The following FNDC3B variants were observed in gnomAD, a reference collection of about 807,000 sequenced individuals.
The protein encoded by FNDC3B is fibronectin type III domain-containing protein 3B.
FNDC3B carries 12 observed loss-of-function variants against 151.5 expected under a neutral mutation model. The ratio of observed to expected loss-of-function variants is 0.08; its 90% CI spans 0.05 to 0.13. FNDC3B has a LOEUF of 0.13. Ranked by LOEUF, FNDC3B falls within the 10% of genes least tolerant of loss-of-function variation. The pLI, the probability that FNDC3B is intolerant of heterozygous loss-of-function variation, is 1.00. For synonymous variants in FNDC3B, 528 were observed against 549.0 expected (o/e 0.96, Z 0.54); for missense variants, 1,214 against 1,505.3 (o/e 0.81, Z 3.20).
chr3:172,199,812 A>G (rs1206048324), intron 3 of FNDC3B, among the ~76,000 whole-genome samples: 1 of 152,234 alleles, frequency 6.6e-6, no homozygotes, highest in African/African-American at 2.4e-5. Flanking sequence ...AGTGAGTGAC[A>G]GCAGTCATGG....
At chr3:172,289,988 G>A (rs1730239582) in intron 7 of FNDC3B, among the ~76,000 whole-genome samples, 1 of 152,182 alleles carries the variant, frequency 6.6e-6, no homozygotes, top group South Asian at 2.1e-4. Context: ...ATAGTTTGTA[G>A]CGTATCACTA....
At chr3:172,230,087 A>G (rs1726808058) in intron 4 of FNDC3B, among the ~76,000 whole-genome samples, 1 of 152,220 alleles carries the variant, frequency 6.6e-6, no homozygotes, top group African/African-American at 2.4e-5. Context: ...ACCTTGGATT[A>G]GGTAATGGAT....
intron 9 of FNDC3B, among the ~76,000 whole-genome samples, chr3:172,306,374 G>T (rs1731201424): frequency 1.3e-5 from 2 of 152,166 alleles, no homozygotes; most frequent in African/African-American, 4.8e-5. Flanking sequence ...CTTCATCTCT[G>T]TGTTTCCTTC....
At chr3:172,241,823 A>T (rs555299493) in intron 4 of FNDC3B, among the ~76,000 whole-genome samples, 1 of 152,316 alleles carries the variant, frequency 6.6e-6, no homozygotes, top group African/African-American at 2.4e-5. Context: ...CCTTTCCTAC[A>T]GTCCCTCAAA....
In FNDC3B at chr3:172,352,139, TGATTGA is replaced by T. The variant is rs1733886246; in HGVS notation, c.2515-661_2515-656del. 1.3e-5 allele frequency among the ~76,000 whole-genome samples: 2 copies of T among 152,004 alleles called. No homozygotes were observed. Among genetic ancestry groups the T allele is most frequent in the South Asian group, 4.2e-4 (2 of 4,812 alleles). On this transcript the variant is annotated intron_variant, in intron 21 of 25. Transcript: ENST00000415807. The surrounding 1 kb of genome is among the most constrained non-coding windows in gnomAD (Gnocchi z 4.2). ...AGGGGATGGTGGCAACCAGGAAAGG[TGATTGA>T]GAAGCAGCAGGAGGTAAGGTAGGAG...
In FNDC3B at chr3:172,329,530, G is replaced by A. The variant is rs115632883; in HGVS notation, c.1379+454G>A. On this transcript the variant is annotated intron_variant, in intron 12 of 25. Coordinates refer to ENST00000415807, the MANE Select transcript of FNDC3B (RefSeq NM_022763.4). ...TACGGAATTGGAGAAAACCTGGACTGTCTTAGAGGCCTCTGCAGGCCTCTA... is the reference window on the plus strand; with the variant it reads ...TACGGAATTGGAGAAAACCTGGACTATCTTAGAGGCCTCTGCAGGCCTCTA... 5.2e-3 allele frequency: 811 copies of A among 154,632 alleles called. 5 individuals carry two copies. Among genetic ancestry groups the A allele is most frequent in the Non-Finnish European group, 8.7e-3 (604 of 69,788 alleles). The allele number at this position is 154,632 out of a possible 1,614,324, so 9.6% of individuals were successfully genotyped here. A position where few individuals can be genotyped will look rare whatever the true frequency, so the allele number is the denominator to read the frequency against.
chr3:172,165,403 T>G (rs1722959241), intron 3 of FNDC3B, among the ~76,000 whole-genome samples: 3 of 152,220 alleles, frequency 2.0e-5, no homozygotes, highest in African/African-American at 7.2e-5. Flanking sequence ...GAGGGAGTAG[T>G]TTCAAGGAAA....
chr3:172,242,567 A>T (rs147969481), intron 4 of FNDC3B, among the ~76,000 whole-genome samples: 3 of 152,276 alleles, frequency 2.0e-5, no homozygotes, highest in African/African-American at 7.2e-5. Context: ...CCTGAGCTGT[A>T]CCTTGGCCCC....
intron 4 of FNDC3B, among the ~76,000 whole-genome samples, chr3:172,238,238 C>T (rs1475943877): frequency 1.3e-5 from 2 of 152,104 alleles, no homozygotes; most frequent in Admixed American, 1.3e-4. Flanking sequence ...AGTGCAGTGG[C>T]ATGACCTCCC....
intron 6 of FNDC3B, among the ~76,000 whole-genome samples, chr3:172,283,748 C>G (rs6801546): frequency 1.3e-5 from 2 of 151,886 alleles, no homozygotes; most frequent in Admixed American, 1.3e-4. Context: ...TTTTTCTAAC[C>G]GGCAGTTATC....
At chr3:172,149,304 G>A (rs1256614679) in intron 3 of FNDC3B, among the ~76,000 whole-genome samples, 1 of 152,118 alleles carries the variant, frequency 6.6e-6, no homozygotes, top group Non-Finnish European at 1.5e-5. Flanking sequence ...CACTTTAAAT[G>A]AAGACACCTA....
chr3:172,309,044 A>G (rs1448961045), intron 10 of FNDC3B, among the ~76,000 whole-genome samples: 4 of 152,128 alleles, frequency 2.6e-5, no homozygotes, highest in Non-Finnish European at 4.4e-5. Flanking sequence ...TCAAGAAAGA[A>G]TTTTCTTATT....
At chr3:172,093,603 C>T (rs996506913) in intron 1 of FNDC3B, among the ~76,000 whole-genome samples, 4 of 151,932 alleles carry the variant, frequency 2.6e-5, no homozygotes, top group Admixed American at 1.3e-4. Flanking sequence ...CTTACTGTGT[C>T]GCCCAGGGTG....
chr3:172,137,825 C>T (rs1431475125), intron 3 of FNDC3B, among the ~76,000 whole-genome samples: 2 of 152,112 alleles, frequency 1.3e-5, no homozygotes, highest in Non-Finnish European at 2.9e-5. Context: ...TTTATTCTCA[C>T]TTGGGGTTAG....
chr3:172,357,035 T>C (rs7639086), intron 22 of FNDC3B, among the ~76,000 whole-genome samples: 67,820 of 152,004 alleles, frequency 0.45, 15,684 homozygotes, highest in East Asian at 0.75. Flanking sequence ...TGTATATGTA[T>C]ATATTTAAAG....
At chr3:172,138,683 T>G (rs1442027497) in intron 3 of FNDC3B, among the ~76,000 whole-genome samples, 1 of 152,284 alleles carries the variant, frequency 6.6e-6, no homozygotes, top group African/African-American at 2.4e-5. Flanking sequence ...AGCACCATTA[T>G]GTTAGTAAAC....
chr3:172,217,363 A>T (rs1206364355), intron 3 of FNDC3B, among the ~76,000 whole-genome samples: 1 of 152,188 alleles, frequency 6.6e-6, no homozygotes, highest in East Asian at 1.9e-4. Flanking sequence ...CTGTGAATGG[A>T]TTCACCAACT....
At chr3:172,328,820 A>G (rs1732485088) in intron 11 of FNDC3B, 132 bp from the exon 12 acceptor site, 3 of 644,850 alleles carry the variant, frequency 4.7e-6, no homozygotes, top group Non-Finnish European at 7.4e-6. Context: ...GTAAGTTTCT[A>G]TTGTTTTTGT....
Position 172,107,199 on chromosome 3 carries a change from G to A in FNDC3B, c.-28-5253G>A, listed in dbSNP as rs549659793. ...GAAGCACTTGCGGTTTTAGTGTTATGTGTGGTTAGGGGGAGAGGTTGCGAG... is the reference window on the plus strand; with the variant it reads ...GAAGCACTTGCGGTTTTAGTGTTATATGTGGTTAGGGGGAGAGGTTGCGAG... On this transcript the variant is annotated intron_variant, in intron 1 of 25. Coordinates refer to ENST00000415807, the MANE Select transcript of FNDC3B (RefSeq NM_022763.4). Among the ~76,000 whole-genome samples the A allele has an allele frequency of 1.1e-4, 17 of 152,328 alleles. No individual in the cohort carries two copies. In the East Asian group the frequency reaches 2.9e-3, roughly 26 times the overall value.
Sources: gnomAD v4.1 joint callset for allele counts (sites outside exome capture counted in the v4.1 genomes callset) on GRCh38, gnomAD v4.1.1 for gene constraint, Gnocchi (gnomAD v3.1) non-coding constraint, MANE v1.5 for transcripts, NCBI Gene and HGNC (gene_info 2026-07-23, HGNC 2026-07-21) for gene names.